The following SPATA13 variants were observed in gnomAD, a reference collection of about 807,000 sequenced individuals.
SPATA13 encodes spermatogenesis-associated protein 13.
In SPATA13, 50 loss-of-function variants were observed where a neutral mutation model predicts 104.0. That is an observed-to-expected ratio of 0.48 (90% CI 0.38 to 0.61). SPATA13 has a LOEUF of 0.61. Among genes scored for constraint, SPATA13 ranks in the 20% least tolerant of loss-of-function variants. The pLI, the probability that SPATA13 is intolerant of heterozygous loss-of-function variation, is 0.00. For synonymous variants in SPATA13, 606 were observed against 667.5 expected (o/e 0.91, Z 1.42); for missense variants, 1,524 against 1,690.6 (o/e 0.90, Z 1.73).
chr13:24,054,236 C>G (rs1233651904), intron 3 of SPATA13, among the ~76,000 whole-genome samples: 2 of 152,222 alleles, frequency 1.3e-5, no homozygotes, highest in Non-Finnish European at 2.9e-5. Flanking sequence ...TGTGAGACCA[C>G]TGGTTCATTT....
At chr13:24,096,301 A>G (rs1266371303) in intron 3 of SPATA13, among the ~76,000 whole-genome samples, 1 of 152,160 alleles carries the variant, frequency 6.6e-6, no homozygotes, top group Non-Finnish European at 1.5e-5. Flanking sequence ...TTATAATAGA[A>G]AATAACAAGG....
chr13:24,280,860 C>T (rs1165082918), intron 4 of SPATA13, among the ~76,000 whole-genome samples: 4 of 152,144 alleles, frequency 2.6e-5, no homozygotes, highest in Admixed American at 1.3e-4. Context: ...ACTAGGTGAC[C>T]TCCTGCTCTC....
chr13:24,143,448 G>A (rs769083962), intron 3 of SPATA13, among the ~76,000 whole-genome samples: 70 of 152,348 alleles, frequency 4.6e-4, no homozygotes, highest in East Asian at 1.2e-3. Flanking sequence ...CGCAGCTGCT[G>A]GCAGTGCTCT....
chr13:24,184,448 T>A (rs1869018834), intron 1 of SPATA13, among the ~76,000 whole-genome samples: 1 of 152,116 alleles, frequency 6.6e-6, no homozygotes, highest in African/African-American at 2.4e-5. Flanking sequence ...ATACCCTCAT[T>A]TGGATGGAAA....
At chr13:24,275,045 CT>C (rs891540496) in intron 4 of SPATA13, among the ~76,000 whole-genome samples, 3 of 151,516 alleles carry the variant, frequency 2.0e-5, no homozygotes, top group African/African-American at 7.3e-5. Context: ...CAGTCAGGGG[CT>C]TTTTTTTTCC....
At chr13:24,157,945 CAAG>C (rs1882312757), upstream of SPATA13, among the ~76,000 whole-genome samples, 1 of 152,124 alleles carries the variant, frequency 6.6e-6, no homozygotes, top group Non-Finnish European at 1.5e-5. Context: ...AACTGTACCT[CAAG>C]GATTGTCTTG....
chr13:24,176,274 G>GA (rs1323197777), intron 1 of SPATA13, among the ~76,000 whole-genome samples: 3 of 152,108 alleles, frequency 2.0e-5, no homozygotes, highest in African/African-American at 4.8e-5. Context: ...AAGTCATGTT[G>GA]AACTTAAACA....
intron 3 of SPATA13, among the ~76,000 whole-genome samples, chr13:24,102,637 G>A (rs899514047): frequency 2.0e-5 from 3 of 151,920 alleles, no homozygotes; most frequent in Admixed American, 2.0e-4. Context: ...ACTAAGCCTG[G>A]CTATTTTTGT....
At chr13:24,062,674 A>G (rs923382130) in intron 3 of SPATA13, among the ~76,000 whole-genome samples, 3 of 152,076 alleles carry the variant, frequency 2.0e-5, no homozygotes, top group African/African-American at 7.2e-5. Context: ...AAGTATCCTC[A>G]TGACTGCACC....
intron 3 of SPATA13, among the ~76,000 whole-genome samples, chr13:24,107,524 C>A (rs974704125): frequency 6.6e-6 from 1 of 152,194 alleles, no homozygotes; most frequent in South Asian, 2.1e-4. Flanking sequence ...CAAATAGTGT[C>A]AATTCTGAGT....
At chr13:24,229,005 C>A (rs916639631) in intron 2 of SPATA13, among the ~76,000 whole-genome samples, 3 of 152,186 alleles carry the variant, frequency 2.0e-5, no homozygotes, top group African/African-American at 7.2e-5. Flanking sequence ...ACAAAGCATG[C>A]CATGCTCCTG....
chr13:24,076,606 G>A (rs531949391), intron 3 of SPATA13, among the ~76,000 whole-genome samples: 1 of 152,136 alleles, frequency 6.6e-6, no homozygotes, highest in Admixed American at 6.5e-5. Context: ...GGGTCTTGTG[G>A]CTCTGGTGAC....
rs529285525 is a variant in SPATA13 at position 24,073,076 on chromosome 13, T to C, written c.-112+55375T>C. Reference sequence around the variant, plus strand: ...ACCGATATTTTGATAATGTCCAGTTTTTTTAATCCAAGGCAATGGTGAGTT... The same window carrying C: ...ACCGATATTTTGATAATGTCCAGTTCTTTTAATCCAAGGCAATGGTGAGTT... On this transcript the variant is annotated intron_variant, in intron 3 of 14. Coordinates refer to the SPATA13 transcript ENST00000424834. Among the ~76,000 whole-genome samples the C allele has an allele frequency of 3.3e-5, 5 of 152,302 alleles. No individual in the cohort carries two copies. The East Asian group carries it at 9.6e-4, about 29-fold the overall frequency.
At chr13:24,025,618 A>T (rs1242935654) in intron 3 of SPATA13, among the ~76,000 whole-genome samples, 2 of 152,234 alleles carry the variant, frequency 1.3e-5, no homozygotes, top group African/African-American at 4.8e-5. Flanking sequence ...CTAAATCCTT[A>T]CTAAAATCTG....
intron 3 of SPATA13, among the ~76,000 whole-genome samples, chr13:24,145,000 T>C (rs1179107125): frequency 6.6e-6 from 1 of 152,064 alleles, no homozygotes; most frequent in East Asian, 1.9e-4. Context: ...CCTTGGGTAG[T>C]GATAAGGTGG....
intron 3 of SPATA13, among the ~76,000 whole-genome samples, chr13:24,038,259 GT>G (rs1877789451): frequency 6.6e-6 from 1 of 152,108 alleles, no homozygotes; most frequent in Admixed American, 6.5e-5. Context: ...CTTTTTTACA[GT>G]TTTTAAACCC....
intron 8 of SPATA13, 59 bp downstream of exon 8, chr13:24,289,237 C>T: frequency 1.4e-6 from 2 of 1,404,006 alleles, no homozygotes; most frequent in Non-Finnish European, 2.0e-6. Context: ...TGAAGTGCAT[C>T]TCCACAGAAA....
chr13:24,036,413 A>T (rs775413764), intron 3 of SPATA13, among the ~76,000 whole-genome samples: 2 of 152,222 alleles, frequency 1.3e-5, no homozygotes, highest in East Asian at 3.8e-4. Flanking sequence ...AAAAAGGAGG[A>T]GTATGTAAGC....
intron 11 of SPATA13, among the ~76,000 whole-genome samples, chr13:24,299,933 A>C (rs1225318171): frequency 6.6e-6 from 1 of 152,220 alleles, no homozygotes; most frequent in Non-Finnish European, 1.5e-5. Flanking sequence ...CACTACACAC[A>C]GCTGGGGTAC....
Sources: allele counts gnomAD v4.1 joint callset (sites outside exome capture counted in the v4.1 genomes callset), GRCh38; gene constraint gnomAD v4.1.1; transcripts MANE v1.5; gene names NCBI Gene and HGNC (gene_info 2026-07-23, HGNC 2026-07-21).